Variants in RNF170 observed in about 807,000 individuals in gnomAD.
The protein encoded by RNF170 is ring finger protein 170, also known as E3 ubiquitin-protein ligase RNF170.
In RNF170, 12 loss-of-function variants were observed where a neutral mutation model predicts 32.7. That is an observed-to-expected ratio of 0.37 (90% confidence interval 0.24 to 0.60). The LOEUF (loss-of-function observed/expected upper bound fraction) is 0.60. RNF170 is among the 20% of genes least tolerant of loss of function. The probability of loss-of-function intolerance (pLI) is 0.72; values close to 1 mark genes in which losing one functional copy is unlikely to be tolerated. For missense variants in RNF170, 212 were observed against 311.2 expected (o/e 0.68, Z 2.40); for synonymous variants, 91 against 103.6 (o/e 0.88, Z 0.74).
rs148712799 is a variant in RNF170 at position 42,869,547 on chromosome 8, A to T, written c.322+457T>A. The stretch of plus-strand genomic sequence containing the variant: ...TGAGACTAAGACCTTTAAGACTTTT[A>T]GTACAAACTCAGAGTCAAAAGAGGC... On this transcript the variant is annotated intron_variant, in intron 4 of 6. Coordinates refer to ENST00000527424, the MANE Select transcript of RNF170 (RefSeq NM_030954.4). 7.9e-3 allele frequency among the ~76,000 whole-genome samples: 1,203 copies of T among 152,330 alleles called. 16 individuals carry two copies. Among genetic ancestry groups the T allele is most frequent in the African/African-American group, 0.027 (1,116 of 41,578 alleles).
chr8:42,862,110 A>G (rs11990955), intron 5 of RNF170, among the ~76,000 whole-genome samples: 2,179 of 152,294 alleles, frequency 0.014, 52 homozygotes, highest in African/African-American at 0.051. Context: ...ACCAGGGGTA[A>G]ATTCCTTAGT....
At position 42,854,217 on chromosome 8, in the gene RNF170, T is replaced by C; in HGVS notation, c.*1942A>G. ...CTTAGGAGTGCCTAAGCTGTCTTACTCTGATGGAGGTATAATGTAGCACGA... is the reference window on the plus strand; with the variant it reads ...CTTAGGAGTGCCTAAGCTGTCTTACCCTGATGGAGGTATAATGTAGCACGA... On this transcript the variant is annotated 3_prime_UTR_variant, in exon 7 of 7. Coordinates refer to ENST00000527424, the MANE Select transcript of RNF170 (RefSeq NM_030954.4). 1.6e-6 allele frequency: 2 copies of C among 1,287,254 alleles called. No individual in the cohort carries two copies. The highest frequency in any genetic ancestry group is 2.0e-6 in the Non-Finnish European group (2 of 988,694). 79.7% of individuals were successfully genotyped at this position (1,287,254 alleles called of 1,614,324 possible).
chr8:42,890,780 T>C (rs1287790390), intron 1 of RNF170, among the ~76,000 whole-genome samples: 1 of 152,178 alleles, frequency 6.6e-6, no homozygotes, highest in Non-Finnish European at 1.5e-5. Flanking sequence ...CAAATGGAGA[T>C]CTACTAATGC....
intron 1 of RNF170, among the ~76,000 whole-genome samples, chr8:42,889,740 C>T (rs892283335): frequency 2.6e-5 from 4 of 152,174 alleles, no homozygotes; most frequent in Non-Finnish European, 5.9e-5. Context: ...CTCACAGAAA[C>T]AGCTCTAATT....
chr8:42,879,437 G>A (rs1479588802), intron 2 of RNF170, among the ~76,000 whole-genome samples: 5 of 152,008 alleles, frequency 3.3e-5, no homozygotes, highest in African/African-American at 1.2e-4. Context: ...CAGATCATGA[G>A]GTCAGGAGTT....
intron 6 of RNF170, 22 bp from the exon 7 acceptor site, chr8:42,856,450 A>G (rs1000689753): frequency 1.3e-6 from 2 of 1,544,432 alleles, no homozygotes; most frequent in Non-Finnish European, 1.8e-6. Context: ...AAAAACAAGT[A>G]TTATGATTCA....
intron 4 of RNF170, among the ~76,000 whole-genome samples, chr8:42,867,527 G>T (rs1804189117): frequency 6.9e-6 from 1 of 144,906 alleles, no homozygotes; most frequent in South Asian, 2.2e-4. Flanking sequence ...TGTAATCCCA[G>T]CACTTTAGGA....
rs2128922751 is a variant in RNF170 at position 42,856,150 on chromosome 8, T to C, written c.*9A>G. 3 of 1,612,462 alleles carry C rather than the reference T, an allele frequency of 1.9e-6. No homozygotes were observed. The highest frequency in any genetic ancestry group is 2.5e-6 in the Non-Finnish European group (3 of 1,179,752). On this transcript the variant is annotated 3_prime_UTR_variant, in exon 7 of 7. Transcript: ENST00000527424. ...AGATATCCTAGTAAACTCAGTTTTG[T>C]TTTCTTTTTCATCTAGTTAGCCTTT... is the stretch of plus-strand genomic sequence containing the variant.
chr8:42,873,495 T>C (rs893689161), intron 3 of RNF170, among the ~76,000 whole-genome samples: 1 of 152,098 alleles, frequency 6.6e-6, no homozygotes, highest in Non-Finnish European at 1.5e-5. Flanking sequence ...TTAGTTTTTC[T>C]CTTTGCCTAA....
At chr8:42,893,547 C>CT (rs1806491787) in intron 1 of RNF170, among the ~76,000 whole-genome samples, 1 of 152,130 alleles carries the variant, frequency 6.6e-6, no homozygotes, top group South Asian at 2.1e-4. Flanking sequence ...AACTGCCACT[C>CT]TTTTTTGGGG....
intron 5 of RNF170, among the ~76,000 whole-genome samples, chr8:42,864,687 C>T (rs1275231922): frequency 1.3e-5 from 2 of 151,178 alleles, no homozygotes; most frequent in South Asian, 2.1e-4. Context: ...GCAATGTGGC[C>T]ATGTCTCTAA....
chr8:42,863,978 AGAGT>A (rs1190505065), intron 5 of RNF170, among the ~76,000 whole-genome samples: 1 of 70,050 alleles, frequency 1.4e-5, no homozygotes, highest in East Asian at 4.5e-4. Flanking sequence ...AGAGAGAGAG[AGAGT>A]GTGTGTGTGT....
chr8:42,872,098 AC>A (rs1355609899), intron 3 of RNF170, among the ~76,000 whole-genome samples: 2 of 152,216 alleles, frequency 1.3e-5, no homozygotes, highest in Admixed American at 1.3e-4. Context: ...ACTGGACAGC[AC>A]AGAACAGACT....
At chr8:42,865,632 C>A in intron 4 of RNF170, 143 bp from the exon 5 acceptor site, 1 of 715,054 alleles carries the variant, frequency 1.4e-6, no homozygotes, top group Admixed American at 2.1e-5. Context: ...CCAGCCAACC[C>A]TTCAGGCAAA....
At chr8:42,897,297 TC>T, upstream of RNF170, 1 of 479,794 alleles carries the variant, frequency 2.1e-6, no homozygotes, top group Middle Eastern at 5.9e-4. Flanking sequence ...TGCCGTCACA[TC>T]CGGGGCCTGG....
chr8:42,887,943 G>A (rs1258511186), intron 1 of RNF170, 72 bp from the exon 2 acceptor site: 1 of 1,382,836 alleles, frequency 7.2e-7, no homozygotes, highest in Non-Finnish European at 1.0e-6. Flanking sequence ...TAAAAGCAAT[G>A]TAAATATAAC....
At chr8:42,871,646 A>T (rs1804532043) in intron 3 of RNF170, among the ~76,000 whole-genome samples, 1 of 151,318 alleles carries the variant, frequency 6.6e-6, no homozygotes, top group Non-Finnish European at 1.5e-5. Flanking sequence ...ATCTCAGCTC[A>T]CTGAAACCTC....
chr8:42,896,089 G>C (rs1480835141), intron 1 of RNF170: 1 of 213,874 alleles, frequency 4.7e-6, no homozygotes, highest in Non-Finnish European at 9.6e-6. Context: ...TCGCCATTAA[G>C]CGAAGGCAAC....
At chr8:42,882,202 T>G (rs1443989314) in intron 2 of RNF170, among the ~76,000 whole-genome samples, 13 of 152,186 alleles carry the variant, frequency 8.5e-5, no homozygotes, top group Admixed American at 2.6e-4. Context: ...TTCCTTAAAA[T>G]GTTAAACATA....
Sources: gnomAD v4.1 joint callset for allele counts (sites outside exome capture counted in the v4.1 genomes callset) on GRCh38, gnomAD v4.1.1 for gene constraint, MANE v1.5 for transcripts, NCBI Gene and HGNC (gene_info 2026-07-23, HGNC 2026-07-21) for gene names.